Variants in ZNF423 observed in about 807,000 individuals in gnomAD.
ZNF423 encodes Ebf-associated zinc finger protein.
Under a neutral mutation model 95.8 loss-of-function variants are expected in ZNF423, and 12 were observed. The ratio of observed to expected loss-of-function variants is 0.13; its 90% CI spans 0.08 to 0.20. The LOEUF is 0.20. Among genes scored for constraint, ZNF423 ranks in the 10% least tolerant of loss-of-function variants. The probability of loss-of-function intolerance (pLI) is 1.00; values close to 1 mark genes in which losing one functional copy is unlikely to be tolerated. For synonymous variants in ZNF423, 749 were observed against 711.9 expected, an observed-to-expected ratio of 1.05 and a Z score of -0.83; for missense variants, 1,316 against 1,737.1, an observed-to-expected ratio of 0.76 and a Z score of 4.31.
At chr16:49,825,731 C>G (rs1382168441) in intron 1 of ZNF423, among the ~76,000 whole-genome samples, 1 of 152,156 alleles carries the variant, frequency 6.6e-6, no homozygotes, top group East Asian at 1.9e-4. Flanking sequence ...CCAGGGGACT[C>G]TCTTGCTGGA....
intron 5 of ZNF423, among the ~76,000 whole-genome samples, chr16:49,614,283 CAAAT>C (rs148791467): frequency 2.1e-3 from 315 of 152,162 alleles, no homozygotes; most frequent in Non-Finnish European, 3.9e-3. Flanking sequence ...CTAAACTAAA[CAAAT>C]AGTGACAGAA....
chr16:49,502,633 C>T (rs1327704888), intron 7 of ZNF423, among the ~76,000 whole-genome samples: 2 of 152,020 alleles, frequency 1.3e-5, no homozygotes, highest in Non-Finnish European at 2.9e-5. Flanking sequence ...TGAGATCCCT[C>T]CCTTCTACCC....
At chr16:49,734,094 G>A (rs1255314504) in intron 2 of ZNF423, among the ~76,000 whole-genome samples, 1 of 152,242 alleles carries the variant, frequency 6.6e-6, no homozygotes, top group East Asian at 1.9e-4. Context: ...CCAGGAGGCA[G>A]AAGTTCTAAC....
intron 5 of ZNF423, among the ~76,000 whole-genome samples, chr16:49,595,419 T>G (rs996525891): frequency 6.6e-6 from 1 of 152,180 alleles, no homozygotes; most frequent in Non-Finnish European, 1.5e-5. Flanking sequence ...CCAGGCGCAC[T>G]CACTAGCATC....
intron 1 of ZNF423, among the ~76,000 whole-genome samples, chr16:49,814,058 A>G (rs1330119907): frequency 6.6e-6 from 1 of 152,208 alleles, no homozygotes; most frequent in Non-Finnish European, 1.5e-5. Context: ...AGGACGCAGG[A>G]AGTGACAGTT....
chr16:49,597,528 AT>A (rs993363004), intron 5 of ZNF423, among the ~76,000 whole-genome samples: 8 of 151,732 alleles, frequency 5.3e-5, no homozygotes, highest in Non-Finnish European at 1.2e-4. Flanking sequence ...TTTCCTTTTA[AT>A]TTTTTTTTAA....
intron 5 of ZNF423, among the ~76,000 whole-genome samples, chr16:49,528,925 T>G (rs1170368069): frequency 6.6e-6 from 1 of 151,966 alleles, no homozygotes; most frequent in African/African-American, 2.4e-5. Context: ...AACCTCTCGT[T>G]CCACCCCAAG....
chr16:49,586,334 C>G (rs527904794), intron 5 of ZNF423, among the ~76,000 whole-genome samples: 3 of 152,186 alleles, frequency 2.0e-5, no homozygotes, highest in Non-Finnish European at 4.4e-5. Flanking sequence ...TGGGCCATTC[C>G]CAGTGTATTA....
intron 3 of ZNF423, among the ~76,000 whole-genome samples, chr16:49,682,987 G>A (rs896583954): frequency 6.6e-6 from 1 of 152,166 alleles, no homozygotes; most frequent in Non-Finnish European, 1.5e-5. Context: ...AGGGCTGAGG[G>A]AGCCGCTTTT....
chr16:49,852,102 T>C (rs1455054481), intron 1 of ZNF423, among the ~76,000 whole-genome samples: 1 of 152,116 alleles, frequency 6.6e-6, no homozygotes, highest in Non-Finnish European at 1.5e-5. Context: ...ATTATTTCCA[T>C]GGAAACACGC....
At position 49,523,699 on chromosome 16, in the gene ZNF423, G is replaced by A. The variant is rs767884892; in HGVS notation, c.3774C>T (p.Ala1258=). The change falls in exon 7 of 8, where the codon GCC becomes GCT. Residue 1258 remains alanine (A), a synonymous_variant. Transcript: ENST00000563137. ...QANKLQQHIF[A]VHGQEDKIYD... ...AGATCTTGTCCTCCTGCCCGTGCACGGCAAAGATGTGCTGCTGCAACTTGT... is the reference window on the plus strand; with the variant it reads ...AGATCTTGTCCTCCTGCCCGTGCACAGCAAAGATGTGCTGCTGCAACTTGT... The A allele has an allele frequency of 6.8e-6, 11 of 1,613,940 alleles. No individual in the cohort carries two copies. Among genetic ancestry groups the A allele is most frequent in the East Asian group, 4.5e-5 (2 of 44,904 alleles).
intron 2 of ZNF423, among the ~76,000 whole-genome samples, chr16:49,735,992 G>A (rs749590441): frequency 3.3e-5 from 5 of 152,082 alleles, no homozygotes; most frequent in Admixed American, 6.6e-5. Flanking sequence ...CGACCTTCTC[G>A]CCCCACACCG....
At chr16:49,554,098 G>A (rs575245362) in intron 5 of ZNF423, among the ~76,000 whole-genome samples, 1 of 152,278 alleles carries the variant, frequency 6.6e-6, no homozygotes, top group Admixed American at 6.5e-5. Context: ...GCACTGGGCA[G>A]ACTTAGAACA....
At chr16:49,630,569 G>A (rs1972462620) in intron 4 of ZNF423, among the ~76,000 whole-genome samples, 1 of 152,108 alleles carries the variant, frequency 6.6e-6, no homozygotes, top group African/African-American at 2.4e-5. Context: ...AATGGCTGCG[G>A]GCAGATGACC....
At chr16:49,675,339 T>C (rs73569272) in intron 3 of ZNF423, among the ~76,000 whole-genome samples, 2,252 of 152,248 alleles carry the variant, frequency 0.015, 57 homozygotes, top group African/African-American at 0.051. Context: ...GAGAGGCACG[T>C]ACCCACCCAG....
At chr16:49,690,553 T>C (rs932322575) in intron 3 of ZNF423, among the ~76,000 whole-genome samples, 6 of 152,224 alleles carry the variant, frequency 3.9e-5, no homozygotes, top group Admixed American at 6.5e-5. Flanking sequence ...TCAATTTATC[T>C]GCTTTTCTTT....
intron 5 of ZNF423, among the ~76,000 whole-genome samples, chr16:49,555,556 A>G (rs1969791531): frequency 6.6e-6 from 1 of 152,234 alleles, no homozygotes; most frequent in South Asian, 2.1e-4. Context: ...GTAGGACATT[A>G]ATTCAAGAAA....
intron 5 of ZNF423, among the ~76,000 whole-genome samples, chr16:49,565,667 G>A (rs868037765): frequency 3.9e-5 from 6 of 152,144 alleles, no homozygotes; most frequent in East Asian, 1.9e-4. Context: ...GTCTCTAGTC[G>A]ATCTACTCAG....
chr16:49,522,750 A>G (rs1012967721), intron 7 of ZNF423, among the ~76,000 whole-genome samples: 1 of 152,108 alleles, frequency 6.6e-6, no homozygotes, highest in Non-Finnish European at 1.5e-5. Context: ...GGGCATATAC[A>G]CTGTGATAGG....
Sources: allele counts gnomAD v4.1 joint callset (sites outside exome capture counted in the v4.1 genomes callset), GRCh38; gene constraint gnomAD v4.1.1; transcripts MANE v1.5; gene names NCBI Gene and HGNC (gene_info 2026-07-23, HGNC 2026-07-21).